The following FARS2 variants were observed in gnomAD, a reference collection of about 807,000 sequenced individuals.
The protein encoded by FARS2 is phenylalanine--tRNA ligase, mitochondrial.
Under a neutral mutation model 46.4 loss-of-function variants are expected in FARS2, and 40 were observed. The observed-to-expected ratio is 0.86, with a 90% CI of 0.67 to 1.12. FARS2 has a LOEUF of 1.12. FARS2 is among the 50% of genes most tolerant of loss of function. The pLI, the probability that FARS2 is intolerant of heterozygous loss-of-function variation, is 0.00. For synonymous variants in FARS2, 234 were observed against 214.9 expected (o/e 1.09, Z -0.78); for missense variants, 513 against 567.9 (o/e 0.90, Z 0.98).
chr6:5,638,681 T>TC (rs1167896174), intron 6 of FARS2, among the ~76,000 whole-genome samples: 1 of 152,160 alleles, frequency 6.6e-6, no homozygotes, highest in South Asian at 2.1e-4. Flanking sequence ...CCTGTTCCCA[T>TC]CCCCCCGGCT....
At chr6:5,341,217 A>T (rs1314064425) in intron 1 of FARS2, among the ~76,000 whole-genome samples, 2 of 5,974 alleles carry the variant, frequency 3.3e-4, no homozygotes, top group Non-Finnish European at 7.5e-4. Flanking sequence ...ATATATATAT[A>T]TATATATATA....
chr6:5,255,303 T>G, the FARS2 span, among the ~76,000 whole-genome samples: 6 of 152,308 alleles, frequency 3.9e-5, no homozygotes, highest in Non-Finnish European at 8.8e-5. Flanking sequence ...CTAAGTGATA[T>G]GTGATATAGC....
At chr6:5,400,619 A>G (rs2503819) in intron 2 of FARS2, among the ~76,000 whole-genome samples, 58,773 of 146,066 alleles carry the variant, frequency 0.4, 12,892 homozygotes, top group African/African-American at 0.6. Context: ...TAAGTTTAAT[A>G]TGTGTGTATG....
At chr6:5,441,514 G>A (rs1248298564) in intron 4 of FARS2, among the ~76,000 whole-genome samples, 3 of 152,156 alleles carry the variant, frequency 2.0e-5, no homozygotes, top group South Asian at 2.1e-4. Context: ...TCACAGTATA[G>A]CTCCTTTCAT....
intron 6 of FARS2, among the ~76,000 whole-genome samples, chr6:5,644,125 C>A (rs1316129156): frequency 6.6e-6 from 1 of 152,196 alleles, no homozygotes; most frequent in Non-Finnish European, 1.5e-5. Context: ...TGCCACAGCA[C>A]CATCACCACC....
Position 5,759,516 on chromosome 6 carries a change from T to C in FARS2, c.1218-11775T>C, listed in dbSNP as rs148150032. On this transcript the variant is annotated intron_variant, in intron 6 of 6. Transcript: ENST00000274680. ...CATGGCATATGGTGGGTGGTCGGCA[T>C]TCATTTGCTGAATGAATAAATGAAT... Among the ~76,000 whole-genome samples, 159 of 152,304 alleles carry C rather than the reference T, an allele frequency of 1.0e-3. 1 individual carries two copies. The highest frequency in any genetic ancestry group is 3.7e-3 in the African/African-American group (153 of 41,570).
At chr6:5,392,940 G>GTGTGTGTA (rs1562007595) in intron 2 of FARS2, among the ~76,000 whole-genome samples, 115 of 118,642 alleles carry the variant, frequency 9.7e-4, no homozygotes, top group African/African-American at 4.4e-3. Flanking sequence ...ATGTGTGTGT[G>GTGTGTGTA]TATATATATA....
chr6:5,586,544 T>G (rs768553906), intron 5 of FARS2, among the ~76,000 whole-genome samples: 12 of 152,212 alleles, frequency 7.9e-5, no homozygotes, highest in Non-Finnish European at 1.3e-4. Flanking sequence ...GAAATTCCAC[T>G]TGATCATGGT....
intron 4 of FARS2, among the ~76,000 whole-genome samples, chr6:5,458,276 G>T (rs1391516424): frequency 1.3e-5 from 2 of 152,228 alleles, no homozygotes; most frequent in African/African-American, 4.8e-5. Context: ...AAAGGGGTTT[G>T]TGCAAGAGCT....
chr6:5,762,304 A>G (rs1240331622), intron 6 of FARS2, among the ~76,000 whole-genome samples: 1 of 152,222 alleles, frequency 6.6e-6, no homozygotes, highest in Non-Finnish European at 1.5e-5. Context: ...ATATTTTAGA[A>G]GGAGAACCTG....
intron 4 of FARS2, among the ~76,000 whole-genome samples, chr6:5,539,957 GA>G (rs534984762): frequency 6.9e-4 from 105 of 152,228 alleles, no homozygotes; most frequent in African/African-American, 2.5e-3. Context: ...CATCAGTCTG[GA>G]AAAGCAAGTC....
At chr6:5,709,985 A>G (rs1452261624) in intron 6 of FARS2, among the ~76,000 whole-genome samples, 8 of 152,114 alleles carry the variant, frequency 5.3e-5, no homozygotes, top group Non-Finnish European at 1.0e-4. Context: ...TTGTGCTGCC[A>G]CGCATATCAT....
At chr6:5,464,485 C>T (rs560329969) in intron 4 of FARS2, among the ~76,000 whole-genome samples, 2 of 152,290 alleles carry the variant, frequency 1.3e-5, no homozygotes, top group East Asian at 3.9e-4. Flanking sequence ...AGCTGCTGCC[C>T]GAGTCAGGCC....
rs564993921 is a variant in FARS2, at chr6:5,594,386, G to A, written c.1066-18783G>A. Among the ~76,000 whole-genome samples, 6 of 152,268 alleles carry A rather than the reference G, an allele frequency of 3.9e-5. No homozygotes were observed. In the East Asian group the frequency reaches 5.8e-4, roughly 15 times the overall value. ...TCTGTACTTTATTAGAATCTGGTGC[G>A]ATAACAGGGATAAAGACCACAGACT... is the stretch of plus-strand genomic sequence containing the variant. On this transcript the variant is annotated intron_variant, in intron 5 of 6. Coordinates refer to ENST00000274680, the MANE Select transcript of FARS2 (RefSeq NM_006567.5).
At chr6:5,524,980 A>G (rs921794981) in intron 4 of FARS2, among the ~76,000 whole-genome samples, 7 of 152,130 alleles carry the variant, frequency 4.6e-5, no homozygotes, top group East Asian at 1.9e-4. Context: ...ACTGTGTTCT[A>G]CTTTCTACTA....
intron 6 of FARS2, among the ~76,000 whole-genome samples, chr6:5,683,500 G>A (rs1194384108): frequency 6.6e-6 from 1 of 152,130 alleles, no homozygotes; most frequent in Non-Finnish European, 1.5e-5. Flanking sequence ...GGCAGGAAAA[G>A]GATTTCTAGG....
chr6:5,308,021 A>T (rs141393366), intron 1 of FARS2, among the ~76,000 whole-genome samples: 8 of 152,328 alleles, frequency 5.3e-5, no homozygotes, highest in Non-Finnish European at 1.2e-4. Flanking sequence ...TTTTTTAAGG[A>T]CAGTAGGGAA....
chr6:5,649,319 T>G (rs1777229485), intron 6 of FARS2, among the ~76,000 whole-genome samples: 1 of 152,240 alleles, frequency 6.6e-6, no homozygotes, highest in Non-Finnish European at 1.5e-5. Context: ...ATAGATCATT[T>G]ATCTCCGGTA....
intron 1 of FARS2, among the ~76,000 whole-genome samples, chr6:5,350,483 G>T (rs1233803658): frequency 1.3e-5 from 2 of 152,212 alleles, no homozygotes; most frequent in East Asian, 3.8e-4. Context: ...GTTAGACACA[G>T]AGATCAGTGG....
Sources: allele counts gnomAD v4.1 joint callset (sites outside exome capture counted in the v4.1 genomes callset), GRCh38; gene constraint gnomAD v4.1.1; transcripts MANE v1.5; gene names NCBI Gene and HGNC (gene_info 2026-07-23, HGNC 2026-07-21).